Variants in NECTIN2 observed in about 807,000 individuals in gnomAD.
NECTIN2 encodes nectin-2.
A neutral mutation model predicts 56.9 loss-of-function variants in NECTIN2; 23 were observed. The observed-to-expected ratio is 0.40, with a 90% CI of 0.29 to 0.57. NECTIN2 has a LOEUF of 0.57. NECTIN2 is among the 20% of genes least tolerant of loss of function. The probability of loss-of-function intolerance (pLI) is 0.38; values close to 1 mark genes in which losing one functional copy is unlikely to be tolerated. For synonymous variants in NECTIN2, 302 were observed against 313.8 expected, an observed-to-expected ratio of 0.96 and a Z score of 0.40; for missense variants, 587 against 718.3, an observed-to-expected ratio of 0.82 and a Z score of 2.09.
At chr19:44,849,510 C>T (rs1239811311) in intron 1 of NECTIN2, among the ~76,000 whole-genome samples, 2 of 152,106 alleles carry the variant, frequency 1.3e-5, no homozygotes, top group East Asian at 3.9e-4. Context: ...CCCGCCCCTG[C>T]CTGGGACGCT....
chr19:44,870,729 CT>C (rs869253464), intron 2 of NECTIN2, among the ~76,000 whole-genome samples: 1,987 of 141,636 alleles, frequency 0.014, 20 homozygotes, highest in African/African-American at 0.047. Flanking sequence ...TTTTTTTTTC[CT>C]TTTTTTTTTT....
intron 5 of NECTIN2, among the ~76,000 whole-genome samples, chr19:44,880,770 G>A (rs1969299302): frequency 6.8e-6 from 1 of 147,566 alleles, no homozygotes; most frequent in Non-Finnish European, 1.5e-5. Flanking sequence ...CTGGCCCCTG[G>A]CTAATTTTTT....
intron 6 of NECTIN2, 104 bp from the exon 7 acceptor site, chr19:44,885,833 G>A: frequency 1.1e-6 from 1 of 918,042 alleles, no homozygotes; most frequent in East Asian, 2.4e-5. Context: ...AAAGGGGGCA[G>A]GGGAAAGGGA....
chr19:44,879,207 C>T (rs1969279702), intron 5 of NECTIN2, among the ~76,000 whole-genome samples: 1 of 152,036 alleles, frequency 6.6e-6, no homozygotes. Context: ...CATTTGGACT[C>T]CTGGGTCCCA....
At chr19:44,866,635 T>G (rs889816786) in intron 2 of NECTIN2, among the ~76,000 whole-genome samples, 1 of 151,730 alleles carries the variant, frequency 6.6e-6, no homozygotes, top group Non-Finnish European at 1.5e-5. Flanking sequence ...GAAGTCAGGG[T>G]GGCTGGAGAC....
At chr19:44,873,853 C>T in intron 3 of NECTIN2, 63 bp from the exon 4 acceptor site, 1 of 1,291,794 alleles carries the variant, frequency 7.7e-7, no homozygotes, top group Non-Finnish European at 1.1e-6. Context: ...TGTCTATCTG[C>T]TAACTTGTCC....
At chr19:44,863,273 C>T (rs1427948589) in intron 1 of NECTIN2, among the ~76,000 whole-genome samples, 1 of 152,062 alleles carries the variant, frequency 6.6e-6, no homozygotes, top group Admixed American at 6.6e-5. Flanking sequence ...GAGTTTGAGA[C>T]CAGCCTGGGC....
At chr19:44,854,622 G>A (rs1405816608) in intron 1 of NECTIN2, among the ~76,000 whole-genome samples, 1 of 151,928 alleles carries the variant, frequency 6.6e-6, no homozygotes, top group Non-Finnish European at 1.5e-5. Flanking sequence ...AGACTAGCCT[G>A]GCTGACATGG....
At chr19:44,847,152 T>C (rs1968845730) in intron 1 of NECTIN2, among the ~76,000 whole-genome samples, 1 of 152,026 alleles carries the variant, frequency 6.6e-6, no homozygotes, top group African/African-American at 2.4e-5. Context: ...TCGGGTCCCT[T>C]GGAGGGCTAA....
At chr19:44,878,952 G>A (rs1319331717) in intron 5 of NECTIN2, 2 of 1,093,520 alleles carry the variant, frequency 1.8e-6, no homozygotes, top group Non-Finnish European at 2.2e-6. Context: ...GGGGTGTCTT[G>A]TAATACATCA....
intron 8 of NECTIN2, among the ~76,000 whole-genome samples, chr19:44,887,797 G>A (rs1391160330): frequency 6.6e-6 from 1 of 152,166 alleles, no homozygotes; most frequent in African/African-American, 2.4e-5. Context: ...AAGGTTCAAA[G>A]GACTGTTTAG....
At chr19:44,881,522 TC>T (rs139434512) in intron 5 of NECTIN2, among the ~76,000 whole-genome samples, 27,222 of 120,942 alleles carry the variant, frequency 0.23, 2,693 homozygotes, top group Middle Eastern at 0.39. Context: ...ACAAAAAAAT[TC>T]AAAAAAAAAA....
chr19:44,883,359 C>G (rs1379828215), intron 6 of NECTIN2, among the ~76,000 whole-genome samples: 2 of 152,118 alleles, frequency 1.3e-5, no homozygotes, highest in Non-Finnish European at 2.9e-5. Context: ...ACTGCAACCT[C>G]CGCCTCCCTG....
At position 44,882,351 on chromosome 19, in the gene NECTIN2, G is replaced by C. The variant is rs956376895; in HGVS notation, c.1183G>C (p.Glu395Gln). 4.8e-6 allele frequency: 7 copies of C among 1,465,178 alleles called. 1 individual carries two copies. In the Admixed American group the frequency reaches 1.0e-4, roughly 21 times the overall value. The allele number at this position is 1,465,178 out of a possible 1,614,324, so 90.8% of individuals were successfully genotyped here. ...QRKEQTLQGA[E>Q]EDEDLEGPPS... The stretch of plus-strand genomic sequence containing the variant: ...GAAGGAGCAGACGCTGCAGGGGGCA[G>C]AGGAGGACGAAGAGTAAGTGATGGG... Residue 395 changes from glutamate (E) to glutamine (Q), a missense_variant, in exon 6 of 9, where the codon GAG becomes CAG. Coordinates refer to ENST00000252483, the MANE Select transcript of NECTIN2 (RefSeq NM_001042724.2).
At chr19:44,864,559 G>A (rs1002893891) in intron 1 of NECTIN2, among the ~76,000 whole-genome samples, 4 of 151,970 alleles carry the variant, frequency 2.6e-5, no homozygotes, top group African/African-American at 7.3e-5. Flanking sequence ...GGTGGCTCAC[G>A]CCTGTAATCC....
chr19:44,882,337 C>A lies in NECTIN2; in HGVS notation c.1169C>A (p.Thr390Lys). 6.6e-7 allele frequency: 1 copy of A among 1,520,818 alleles called. No individual in the cohort carries two copies. The highest frequency in any genetic ancestry group is 8.8e-7 in the Non-Finnish European group (1 of 1,131,700). 94.2% of individuals were successfully genotyped at this position (1,520,818 alleles called of 1,614,324 possible). ...TGCCGGCAGCAGCGGAAGGAGCAGA[C>A]GCTGCAGGGGGCAGAGGAGGACGAA... ...LICRQQRKEQ[T>K]LQGAEEDEDL... Residue 390 changes from threonine (T) to lysine (K), a missense_variant, in exon 6 of 9, where the codon ACG (threonine) becomes AAG (lysine). Coordinates refer to ENST00000252483, the MANE Select transcript of NECTIN2 (RefSeq NM_001042724.2).
At chr19:44,885,353 A>C (rs1969349792) in intron 6 of NECTIN2, among the ~76,000 whole-genome samples, 1 of 113,918 alleles carries the variant, frequency 8.8e-6, no homozygotes, top group East Asian at 2.5e-4. Flanking sequence ...ATCTCACTCT[A>C]TTGCACAGGC....
In NECTIN2 at chr19:44,872,120, C is replaced by G; in HGVS notation, c.746C>G (p.Ala249Gly). The change falls in exon 3 of 9, where the codon GCC (alanine) becomes GGC (glycine). Residue 249 changes from alanine (A) to glycine (G), a missense_variant. Transcript: ENST00000252483. ...KVEHESFEEP[A>G]LIPVTLSVRY... ...GAGCATGAGAGCTTCGAGGAACCAGCCCTGATACCTGTGACCCTCTCTGTA... is the reference window on the plus strand; with the variant it reads ...GAGCATGAGAGCTTCGAGGAACCAGGCCTGATACCTGTGACCCTCTCTGTA... The G allele has an allele frequency of 6.2e-7, 1 of 1,614,168 alleles. No homozygotes were observed.
At chr19:44,878,048 C>T (rs1969260231) in intron 5 of NECTIN2, among the ~76,000 whole-genome samples, 2 of 150,942 alleles carry the variant, frequency 1.3e-5, no homozygotes. Flanking sequence ...TCCCCACCCC[C>T]CTCCTCCTCC....
Sources: gnomAD v4.1 joint callset for allele counts (sites outside exome capture counted in the v4.1 genomes callset) on GRCh38, gnomAD v4.1.1 for gene constraint, MANE v1.5 for transcripts, NCBI Gene and HGNC (gene_info 2026-07-23, HGNC 2026-07-21) for gene names.